The following ARB2A variants were observed in gnomAD, a reference collection of about 807,000 sequenced individuals.
ARB2A encodes ARB2 cotranscriptional regulator A.
the ARB2A span, among the ~76,000 whole-genome samples, chr5:93,853,965 G>T: frequency 6.6e-6 from 1 of 152,176 alleles, no homozygotes; most frequent in Non-Finnish European, 1.5e-5. Flanking sequence ...GATGATGCTG[G>T]CCTCATAAAA....
chr5:93,651,289 C>T, the ARB2A span, among the ~76,000 whole-genome samples: 2 of 152,022 alleles, frequency 1.3e-5, no homozygotes, highest in Non-Finnish European at 2.9e-5. Context: ...GTGTGTACCA[C>T]TATGCTTGGC....
chr5:93,889,527 A>G, the ARB2A span, among the ~76,000 whole-genome samples: 1 of 151,878 alleles, frequency 6.6e-6, no homozygotes, highest in Admixed American at 6.6e-5. Flanking sequence ...GCTCATTAAA[A>G]TGCAAAAATA....
the ARB2A span, among the ~76,000 whole-genome samples, chr5:93,919,172 C>A: frequency 1.3e-5 from 2 of 152,004 alleles, no homozygotes; most frequent in African/African-American, 4.8e-5. Context: ...CAACTGTGTA[C>A]GAATTCAATC....
the ARB2A span, among the ~76,000 whole-genome samples, chr5:94,047,850 G>A: frequency 6.6e-6 from 1 of 152,096 alleles, no homozygotes; most frequent in Non-Finnish European, 1.5e-5. Context: ...ATGCCAAAAA[G>A]GACAAGGTAT....
At chr5:93,768,608 G>A in the ARB2A span, among the ~76,000 whole-genome samples, 1 of 151,700 alleles carries the variant, frequency 6.6e-6, no homozygotes, top group African/African-American at 2.4e-5. Flanking sequence ...TATGTATTTA[G>A]TGGATGGTGG....
At chr5:93,628,265 G>A in the ARB2A span, among the ~76,000 whole-genome samples, 2 of 151,786 alleles carry the variant, frequency 1.3e-5, no homozygotes, top group South Asian at 2.1e-4. Flanking sequence ...TGACCAAGAT[G>A]GTCTCGATCT....
At chr5:93,909,201 T>A in the ARB2A span, among the ~76,000 whole-genome samples, 1 of 151,278 alleles carries the variant, frequency 6.6e-6, no homozygotes, top group East Asian at 1.9e-4. Flanking sequence ...GGAAAATATT[T>A]AATGGACATA....
chr5:93,634,126 G>A, the ARB2A span, among the ~76,000 whole-genome samples: 57 of 152,036 alleles, frequency 3.7e-4, 1 homozygote, highest in African/African-American at 1.3e-3. Flanking sequence ...TTCCTGGCCG[G>A]GCGCCGTGGC....
the ARB2A span, among the ~76,000 whole-genome samples, chr5:93,777,983 G>GT: frequency 6.6e-6 from 1 of 152,070 alleles, no homozygotes; most frequent in East Asian, 1.9e-4. Context: ...GCAGATTTTT[G>GT]TAAGAAACAG....
At chr5:93,948,111 T>C in the ARB2A span, among the ~76,000 whole-genome samples, 136 of 152,282 alleles carry the variant, frequency 8.9e-4, no homozygotes, top group African/African-American at 3.2e-3. Context: ...AGGGTTGAAC[T>C]AGTTTACAGT....
the ARB2A span, among the ~76,000 whole-genome samples, chr5:93,749,254 C>A: frequency 6.6e-6 from 1 of 152,208 alleles, no homozygotes. Flanking sequence ...TATGAAGTGA[C>A]CAATCAGTGA....
chr5:93,727,533 T>G, the ARB2A span, among the ~76,000 whole-genome samples: 1 of 151,964 alleles, frequency 6.6e-6, no homozygotes, highest in Non-Finnish European at 1.5e-5. Flanking sequence ...CTTATTAAAT[T>G]CCAACATATT....
the ARB2A span, among the ~76,000 whole-genome samples, chr5:93,694,651 C>A: frequency 6.6e-6 from 1 of 152,176 alleles, no homozygotes; most frequent in African/African-American, 2.4e-5. Context: ...CCCCATCAAG[C>A]TATCACTGAC....
the ARB2A span, among the ~76,000 whole-genome samples, chr5:94,015,865 C>T: frequency 6.6e-6 from 1 of 151,916 alleles, no homozygotes; most frequent in African/African-American, 2.4e-5. Flanking sequence ...ATGAAAGACA[C>T]TAAGTAAAGA....
At chr5:93,769,871 A>C in the ARB2A span, among the ~76,000 whole-genome samples, 1 of 152,222 alleles carries the variant, frequency 6.6e-6, no homozygotes, top group Non-Finnish European at 1.5e-5. Flanking sequence ...AATTTGTTAG[A>C]ACAAAATCCC....
the ARB2A span, among the ~76,000 whole-genome samples, chr5:93,666,004 G>T: frequency 3.0e-4 from 46 of 152,176 alleles, no homozygotes; most frequent in African/African-American, 1.1e-3. Context: ...AAAAATGGCA[G>T]ATCAGCAAAG....
the ARB2A span, among the ~76,000 whole-genome samples, chr5:93,700,743 C>T: frequency 6.6e-6 from 1 of 151,994 alleles, no homozygotes; most frequent in African/African-American, 2.4e-5. Context: ...AGCAGATAAA[C>T]GTTTCCATAT....
the ARB2A span, among the ~76,000 whole-genome samples, chr5:93,875,363 C>A: frequency 6.6e-6 from 1 of 152,056 alleles, no homozygotes; most frequent in East Asian, 1.9e-4. Context: ...TCCCAAGTAG[C>A]TGGGATTACA....
At chr5:94,080,265 C>T in the ARB2A span, among the ~76,000 whole-genome samples, 1 of 151,938 alleles carries the variant, frequency 6.6e-6, no homozygotes, top group Non-Finnish European at 1.5e-5. Context: ...GACTCTAATT[C>T]TATAGTAAAA....
Sources: gnomAD v4.1 joint callset for allele counts (sites outside exome capture counted in the v4.1 genomes callset) on GRCh38, gnomAD v4.1.1 for gene constraint, MANE v1.5 for transcripts, NCBI Gene and HGNC (gene_info 2026-07-23, HGNC 2026-07-21) for gene names.